Variants in PSD2 observed in about 807,000 individuals in gnomAD.
PSD2 encodes the protein PH and SEC7 domain-containing protein 2.
PSD2 carries 38 observed loss-of-function variants against 69.8 expected under a neutral mutation model. That is an observed-to-expected ratio of 0.54 (90% confidence interval 0.42 to 0.71). PSD2 has a LOEUF of 0.71. Ranked by LOEUF, PSD2 falls within the 30% of genes least tolerant of loss-of-function variation. PSD2 has a pLI of 0.00. For missense variants in PSD2, 943 were observed against 1,014.5 expected (o/e 0.93, Z 0.96); for synonymous variants, 412 against 423.0 (o/e 0.97, Z 0.32).
At chr5:139,798,425 C>T (rs1431244472) in intron 1 of PSD2, among the ~76,000 whole-genome samples, 1 of 152,214 alleles carries the variant, frequency 6.6e-6, no homozygotes, top group Non-Finnish European at 1.5e-5. Flanking sequence ...GCTCTGCATG[C>T]TCAGGTTTGT....
At position 139,809,557 on chromosome 5, in the gene PSD2, G is replaced by C. The variant is rs139087514; in HGVS notation, c.117G>C (p.Leu39=). 2.5e-4 allele frequency: 406 copies of C among 1,613,958 alleles called. 2 individuals carry two copies. The highest frequency in any genetic ancestry group is 2.4e-5 in the Non-Finnish European group (28 of 1,179,864). ...GVRNGMASEG[L]NSSLCSPGHE... Reference sequence around the variant, plus strand: ...GGAATGGGATGGCCAGTGAGGGCCTGAACAGCAGCCTCTGCAGCCCAGGGC... The same window carrying C: ...GGAATGGGATGGCCAGTGAGGGCCTCAACAGCAGCCTCTGCAGCCCAGGGC... The change falls in exon 2 of 15, where the codon CTG becomes CTC. Residue 39 remains leucine, a synonymous_variant. Coordinates refer to ENST00000274710, the MANE Select transcript of PSD2 (RefSeq NM_032289.4).
chr5:139,806,184 T>A (rs1759801440), intron 1 of PSD2, among the ~76,000 whole-genome samples: 1 of 152,222 alleles, frequency 6.6e-6, no homozygotes, highest in Non-Finnish European at 1.5e-5. Context: ...CTGCAGGGGA[T>A]CTTGGCCAAT....
Position 139,813,620 on chromosome 5 carries a change from G to A in PSD2, c.683G>A (p.Ser228Asn). 3 of 1,613,620 alleles carry A rather than the reference G, an allele frequency of 1.9e-6. No homozygotes were observed. The highest frequency in any genetic ancestry group is 2.5e-6 in the Non-Finnish European group (3 of 1,179,876). Residue 228 changes from serine to asparagine, a missense_variant, in exon 3 of 15, where the codon AGC becomes AAC. Physicochemically the swap from Ser to Asn is conservative, Grantham distance 46. Coordinates refer to ENST00000274710, the MANE Select transcript of PSD2 (RefSeq NM_032289.4). ...AGCCCCCTGCGGCGCTCCATCTCCA[G>A]CAGCCGCTCTGAGAATGTCCTGAGC... The part of the protein sequence containing the change: ...LGSPLRRSIS[S>N]SRSENVLSRL...
the PSD2 span, among the ~76,000 whole-genome samples, chr5:139,760,276 G>T: frequency 6.6e-6 from 1 of 152,178 alleles, no homozygotes; most frequent in Non-Finnish European, 1.5e-5. Context: ...TGTGACCTCT[G>T]GTAGTTGATG....
chr5:139,802,982 T>A (rs963426239), intron 1 of PSD2, among the ~76,000 whole-genome samples: 1 of 152,216 alleles, frequency 6.6e-6, no homozygotes, highest in Non-Finnish European at 1.5e-5. Flanking sequence ...GCTGGTTCCC[T>A]GATGGCCACA....
In PSD2 at chr5:139,842,265, C is replaced by T. The variant is rs747547910; in HGVS notation, c.2113-6C>T. ...TCTTTTGACCTTGTGTTTGGCCTTT[C>T]CCCAGAAAAGCCGTTATGAGACCTA... On this transcript the variant is annotated splice_polypyrimidine_tract_variant and splice_region_variant and intron_variant, in intron 14 of 14. Coordinates refer to ENST00000274710, the MANE Select transcript of PSD2 (RefSeq NM_032289.4). 3.1e-6 allele frequency: 5 copies of T among 1,607,740 alleles called. No homozygotes were observed.
the PSD2 span, among the ~76,000 whole-genome samples, chr5:139,784,695 C>A: frequency 3.9e-5 from 6 of 152,178 alleles, no homozygotes; most frequent in Admixed American, 3.9e-4. Flanking sequence ...ACCCCAGGGC[C>A]TTTGCACTGG....
intron 7 of PSD2, among the ~76,000 whole-genome samples, chr5:139,828,180 A>G (rs1760479070): frequency 6.6e-6 from 1 of 151,962 alleles, no homozygotes; most frequent in African/African-American, 2.4e-5. Flanking sequence ...GGAGACCAGG[A>G]GAGAAATTCC....
chr5:139,822,420 T>A (rs532648744), intron 6 of PSD2, among the ~76,000 whole-genome samples: 1 of 152,294 alleles, frequency 6.6e-6, no homozygotes, highest in East Asian at 1.9e-4. Flanking sequence ...CACAGGTCAA[T>A]GCAGGGGCAG....
the PSD2 span, among the ~76,000 whole-genome samples, chr5:139,746,547 A>G: frequency 2.0e-5 from 3 of 152,188 alleles, no homozygotes; most frequent in East Asian, 5.8e-4. The surrounding 1 kb of genome is among the most constrained non-coding windows in gnomAD (Gnocchi z 4.5). Flanking sequence ...TTATTCTGGT[A>G]CAGAATCCCC....
At chr5:139,825,154 A>T (rs982923977) in intron 7 of PSD2, among the ~76,000 whole-genome samples, 4 of 152,180 alleles carry the variant, frequency 2.6e-5, no homozygotes, top group African/African-American at 9.6e-5. Context: ...AAGCGATTAC[A>T]AGTTGTGCAG....
intron 8 of PSD2, among the ~76,000 whole-genome samples, chr5:139,834,135 C>T (rs961342624): frequency 6.6e-6 from 1 of 152,200 alleles, no homozygotes; most frequent in Non-Finnish European, 1.5e-5. Context: ...GGAAAAGCCC[C>T]CCTCATTCCT....
At chr5:139,753,336 A>G in the PSD2 span, among the ~76,000 whole-genome samples, 115 of 152,202 alleles carry the variant, frequency 7.6e-4, 1 homozygote, top group South Asian at 0.014. Context: ...AAGGCCACCA[A>G]TAACCTTGTT....
At chr5:139,801,059 A>G (rs36074298) in intron 1 of PSD2, among the ~76,000 whole-genome samples, 41,879 of 151,562 alleles carry the variant, frequency 0.28, 6,303 homozygotes, top group African/African-American at 0.41. Flanking sequence ...ACAAAAATTA[A>G]CCAGGCATGG....
chr5:139,780,468 T>G, the PSD2 span, among the ~76,000 whole-genome samples: 8 of 152,192 alleles, frequency 5.3e-5, no homozygotes, highest in Admixed American at 5.2e-4. Flanking sequence ...TTTTGAGACA[T>G]TGTCTCGCTC....
At chr5:139,788,994 G>A in the PSD2 span, among the ~76,000 whole-genome samples, 12 of 152,202 alleles carry the variant, frequency 7.9e-5, no homozygotes. Context: ...GCTAACATGG[G>A]AGTGGTGGGT....
At chr5:139,792,864 T>G (rs978415412), upstream of PSD2, among the ~76,000 whole-genome samples, 29 of 62,524 alleles carry the variant, frequency 4.6e-4, no homozygotes, top group Non-Finnish European at 5.3e-4. Flanking sequence ...CTGTCTTTCC[T>G]TCCTTCCTTC....
the PSD2 span, among the ~76,000 whole-genome samples, chr5:139,763,417 T>C: frequency 2.0e-5 from 3 of 152,196 alleles, no homozygotes; most frequent in Non-Finnish European, 4.4e-5. Context: ...GGTCATTCCC[T>C]GGGTTCCCAA....
At chr5:139,766,928 CCCTTCT>C in the PSD2 span, among the ~76,000 whole-genome samples, 7 of 31,236 alleles carry the variant, frequency 2.2e-4, no homozygotes, top group African/African-American at 8.2e-4. Context: ...TTCCTTCCTT[CCCTTCT>C]TTCTTTCTTT....
Sources: allele counts gnomAD v4.1 joint callset (sites outside exome capture counted in the v4.1 genomes callset), GRCh38; gene constraint gnomAD v4.1.1; non-coding constraint Gnocchi (gnomAD v3.1); transcripts MANE v1.5; gene names NCBI Gene and HGNC (gene_info 2026-07-23, HGNC 2026-07-21).